HDAC9: variants seen among roughly 807,000 people sequenced by gnomAD.
The protein encoded by HDAC9 is histone deacetylase 9, also known as MEF-2 interacting transcription repressor (MITR) protein.
HDAC9 carries 41 observed loss-of-function variants against 139.4 expected under a neutral mutation model. That is an observed-to-expected ratio of 0.29 (90% CI 0.23 to 0.38). The LOEUF (loss-of-function observed/expected upper bound fraction) is 0.38, where lower values mean the gene tolerates loss of function less well. Ranked by LOEUF, HDAC9 falls within the 10% of genes least tolerant of loss-of-function variation. The probability of loss-of-function intolerance (pLI) is 1.00; values close to 1 mark genes in which losing one functional copy is unlikely to be tolerated. For synonymous variants in HDAC9, 517 were observed against 476.2 expected (o/e 1.09, Z -1.12); for missense variants, 1,147 against 1,297.0 (o/e 0.88, Z 1.78).
chr7:18,707,481 T>C (rs1784018134), intron 12 of HDAC9, among the ~76,000 whole-genome samples: 1 of 152,150 alleles, frequency 6.6e-6, no homozygotes, highest in African/African-American at 2.4e-5. Context: ...AAAATATTTA[T>C]AAATATATGC....
At chr7:18,170,009 G>C (rs753385079) in intron 2 of HDAC9, among the ~76,000 whole-genome samples, 15 of 152,146 alleles carry the variant, frequency 9.9e-5, no homozygotes, top group Non-Finnish European at 2.1e-4. Context: ...GGTACTTCTA[G>C]TTCTAGATCC....
At chr7:18,507,698 T>G (rs985827800) in intron 2 of HDAC9, among the ~76,000 whole-genome samples, 1 of 151,872 alleles carries the variant, frequency 6.6e-6, no homozygotes, top group Non-Finnish European at 1.5e-5. Flanking sequence ...TTCACATTGG[T>G]CAGGCTGGTC....
chr7:18,422,744 G>GCACACACACA (rs1233787931), intron 1 of HDAC9, among the ~76,000 whole-genome samples: 36 of 26,334 alleles, frequency 1.4e-3, no homozygotes, highest in African/African-American at 2.2e-3. Flanking sequence ...ACACACACGC[G>GCACACACACA]CACACACACA....
rs949968823 is a variant in HDAC9, at chr7:18,810,655, A to C, written c.2322+17203A>C. Among the ~76,000 whole-genome samples, 6 of 151,918 alleles carry C rather than the reference A, an allele frequency of 3.9e-5. No homozygotes were observed. The East Asian group carries it at 1.2e-3, about 29-fold the overall frequency. ...TTATAAAATATTTAAATCACCCCAG[A>C]AAGTTCCTTCATGTCCCTGGTAGTA... On this transcript the variant is annotated intron_variant, in intron 17 of 25. Coordinates refer to ENST00000686413, the MANE Select transcript of HDAC9 (RefSeq NM_178425.4).
intron 23 of HDAC9, among the ~76,000 whole-genome samples, chr7:18,947,566 A>C (rs1782492273): frequency 6.6e-6 from 1 of 152,034 alleles, no homozygotes; most frequent in Non-Finnish European, 1.5e-5. Context: ...AAATACAGCA[A>C]ATGTGAGTGG....
At chr7:18,151,289 A>T (rs1191991473) in intron 1 of HDAC9, among the ~76,000 whole-genome samples, 1 of 152,172 alleles carries the variant, frequency 6.6e-6, no homozygotes, top group South Asian at 2.1e-4. Flanking sequence ...CTGTAATTAT[A>T]TACTTAGTAA....
intron 11 of HDAC9, among the ~76,000 whole-genome samples, chr7:18,655,713 G>A (rs1295987049): frequency 6.6e-6 from 1 of 152,170 alleles, no homozygotes. Context: ...ATAACTTGGA[G>A]ACCAAGGGAA....
intron 21 of HDAC9, among the ~76,000 whole-genome samples, chr7:18,852,884 A>G (rs1797406545): frequency 6.6e-6 from 1 of 151,840 alleles, no homozygotes; most frequent in Non-Finnish European, 1.5e-5. Flanking sequence ...AGTGTATGTT[A>G]AGGTAGATTT....
chr7:18,392,801 G>A (rs993781867), intron 1 of HDAC9, among the ~76,000 whole-genome samples: 1 of 151,652 alleles, frequency 6.6e-6, no homozygotes, highest in East Asian at 1.9e-4. Context: ...AAGAACCAGC[G>A]AGGGCTAAGG....
chr7:18,682,298 G>C (rs73313341), intron 12 of HDAC9, among the ~76,000 whole-genome samples: 11,235 of 152,046 alleles, frequency 0.074, 1,055 homozygotes, highest in African/African-American at 0.22. Context: ...CATTTCTTCT[G>C]TGTAATTGTA....
chr7:18,415,525 C>T (rs1026736427), intron 1 of HDAC9, among the ~76,000 whole-genome samples: 1 of 152,150 alleles, frequency 6.6e-6, no homozygotes, highest in Non-Finnish European at 1.5e-5. Context: ...TAAAGAGCAA[C>T]GCTCTCTAAC....
intron 13 of HDAC9, among the ~76,000 whole-genome samples, chr7:18,738,493 G>A (rs116689276): frequency 0.042 from 6,406 of 152,184 alleles, 294 homozygotes; most frequent in East Asian, 0.1. Context: ...TATGTATAAT[G>A]GATTTTATTT....
chr7:18,932,221 A>G (rs1258951778), intron 22 of HDAC9, among the ~76,000 whole-genome samples: 3 of 152,238 alleles, frequency 2.0e-5, no homozygotes, highest in Non-Finnish European at 2.9e-5. Flanking sequence ...CATATAAAAA[A>G]TGAAATGTTC....
At chr7:18,649,791 A>G (rs1584587687) in intron 11 of HDAC9, among the ~76,000 whole-genome samples, 1 of 152,090 alleles carries the variant, frequency 6.6e-6, no homozygotes, top group South Asian at 2.1e-4. Flanking sequence ...TGAAGGAAGC[A>G]TGGATTGGAT....
At chr7:18,714,151 T>TA in intron 12 of HDAC9, among the ~76,000 whole-genome samples, 1 of 152,326 alleles carries the variant, frequency 6.6e-6, no homozygotes, top group Non-Finnish European at 1.5e-5. Flanking sequence ...TGTAAAGTGG[T>TA]AGAGCTGGAG....
chr7:18,975,593 G>A (rs999431465), intron 24 of HDAC9, among the ~76,000 whole-genome samples: 9 of 152,120 alleles, frequency 5.9e-5, no homozygotes, highest in Non-Finnish European at 8.8e-5. Context: ...TAAGCAAGAG[G>A]GAGACTCAGC....
chr7:18,836,290 T>C (rs1488099570), intron 21 of HDAC9, among the ~76,000 whole-genome samples: 2 of 152,220 alleles, frequency 1.3e-5, no homozygotes, highest in Non-Finnish European at 2.9e-5. Flanking sequence ...ATGTGGTTTT[T>C]ACAGTAGACA....
intron 22 of HDAC9, among the ~76,000 whole-genome samples, chr7:18,884,297 C>A (rs1451833959): frequency 6.6e-6 from 1 of 152,122 alleles, no homozygotes; most frequent in Non-Finnish European, 1.5e-5. Context: ...ATGTTAACAG[C>A]TACTGTGAAA....
intron 2 of HDAC9, among the ~76,000 whole-genome samples, chr7:18,178,297 C>T (rs1478452595): frequency 6.6e-6 from 1 of 152,222 alleles, no homozygotes; most frequent in African/African-American, 2.4e-5. Flanking sequence ...GTTGGCCAGA[C>T]TTGTCTCGAA....
Sources: gnomAD v4.1 joint callset for allele counts (sites outside exome capture counted in the v4.1 genomes callset) on GRCh38, gnomAD v4.1.1 for gene constraint, MANE v1.5 for transcripts, NCBI Gene and HGNC (gene_info 2026-07-23, HGNC 2026-07-21) for gene names.